Variants in SSH2 observed in about 807,000 individuals in gnomAD.
The protein encoded by SSH2 is protein phosphatase Slingshot homolog 2.
A neutral mutation model predicts 135.2 loss-of-function variants in SSH2; 37 were observed. The ratio of observed to expected loss-of-function variants is 0.27; its 90% CI spans 0.21 to 0.36. The LOEUF (loss-of-function observed/expected upper bound fraction) is 0.36, where lower values mean the gene tolerates loss of function less well. Ranked by LOEUF, SSH2 falls within the 10% of genes least tolerant of loss-of-function variation. The pLI is 1.00. For missense variants in SSH2, 1,408 were observed against 1,765.3 expected (o/e 0.80, Z 3.63); for synonymous variants, 628 against 646.2 (o/e 0.97, Z 0.43).
intron 11 of SSH2, among the ~76,000 whole-genome samples, chr17:29,658,495 G>C (rs2036884444): frequency 6.6e-6 from 1 of 152,118 alleles, no homozygotes; most frequent in Non-Finnish European, 1.5e-5. Flanking sequence ...CAATTTTAGA[G>C]TGCTTTTTCT....
chr17:29,892,938 C>A (rs1459300882), intron 1 of SSH2, among the ~76,000 whole-genome samples: 1 of 151,974 alleles, frequency 6.6e-6, no homozygotes, highest in Non-Finnish European at 1.5e-5. Context: ...TTCTCTCACC[C>A]TAAATTTCCC....
intron 11 of SSH2, among the ~76,000 whole-genome samples, chr17:29,656,697 T>A (rs1015353963): frequency 2.0e-5 from 3 of 152,158 alleles, no homozygotes; most frequent in Non-Finnish European, 2.9e-5. Flanking sequence ...TTTGCTTTCT[T>A]TCCTTCTTTC....
chr17:29,790,366 A>G (rs1449637935), intron 3 of SSH2, among the ~76,000 whole-genome samples: 1 of 152,172 alleles, frequency 6.6e-6, no homozygotes, highest in Non-Finnish European at 1.5e-5. Context: ...GCTGTCTGCA[A>G]GCCCGGAAGA....
chr17:29,877,768 CAA>C lies in SSH2; in HGVS notation c.64-28841_64-28840del, dbSNP rs200656149. Among the ~76,000 whole-genome samples the C allele has an allele frequency of 1.7e-3, 239 of 143,332 alleles. 3 individuals carry two copies. The highest frequency in any genetic ancestry group is 0.011 in the Middle Eastern group (3 of 276). 94.0% of individuals were successfully genotyped at this position (143,332 alleles called of 152,430 possible). A position where few individuals can be genotyped will look rare whatever the true frequency, so the allele number is the denominator to read the frequency against. ...GGAGGTAGGGATGGTTAATGGGTAC[CAA>C]AAAAAAAAAAAATAGAATGAATAAG... On this transcript the variant is annotated intron_variant, in intron 1 of 15. Coordinates refer to ENST00000540801, the MANE Select transcript of SSH2 (RefSeq NM_001282129.2).
intron 2 of SSH2, among the ~76,000 whole-genome samples, chr17:29,846,762 T>C (rs895185158): frequency 2.0e-5 from 3 of 152,246 alleles, no homozygotes; most frequent in Admixed American, 2.0e-4. Context: ...TATGGTGATA[T>C]ACTTGAGACA....
At chr17:29,724,542 A>AAAAC (rs1555620985) in intron 3 of SSH2, among the ~76,000 whole-genome samples, 3 of 149,464 alleles carry the variant, frequency 2.0e-5, no homozygotes, top group African/African-American at 7.4e-5. Context: ...AAAAAAAAAA[A>AAAAC]AAAACAAAAC....
At chr17:29,915,599 A>G (rs549102776) in intron 1 of SSH2, among the ~76,000 whole-genome samples, 3 of 152,324 alleles carry the variant, frequency 2.0e-5, no homozygotes, top group Admixed American at 2.0e-4. Flanking sequence ...AAAACAGTCA[A>G]TGGATTAATA....
chr17:29,841,094 G>A (rs1197622736), intron 2 of SSH2, among the ~76,000 whole-genome samples: 17 of 152,088 alleles, frequency 1.1e-4, no homozygotes, highest in Admixed American at 1.1e-3. Flanking sequence ...TGGCTGGGAG[G>A]GTGAGTCAGT....
chr17:29,657,598 T>TTTTTA (rs1209333582), intron 11 of SSH2, among the ~76,000 whole-genome samples: 2 of 147,242 alleles, frequency 1.4e-5, no homozygotes, highest in Non-Finnish European at 3.0e-5. Flanking sequence ...TTTTTTTTTT[T>TTTTTA]AGAGACAGAG....
At chr17:29,734,939 T>G (rs2040316300) in intron 3 of SSH2, among the ~76,000 whole-genome samples, 1 of 151,996 alleles carries the variant, frequency 6.6e-6, no homozygotes. Context: ...TAAATCTCAG[T>G]GGTTAAGTTC....
At chr17:29,643,222 A>G (rs1295744880) in intron 14 of SSH2, 1 of 985,088 alleles carries the variant, frequency 1.0e-6, no homozygotes, top group Admixed American at 6.2e-5. Context: ...TGCTGGGCCT[A>G]TTCACTTGGC....
chr17:29,847,874 C>T (rs2151385763), intron 2 of SSH2, among the ~76,000 whole-genome samples: 1 of 152,322 alleles, frequency 6.6e-6, no homozygotes, highest in Admixed American at 6.5e-5. Context: ...AAATAACCCA[C>T]CCCTCAATTT....
chr17:29,904,235 C>T (rs1363049643), intron 1 of SSH2, among the ~76,000 whole-genome samples: 8 of 152,088 alleles, frequency 5.3e-5, no homozygotes, highest in Admixed American at 3.9e-4. Context: ...TGGTGAACAT[C>T]GATGGAGAAA....
intron 2 of SSH2, among the ~76,000 whole-genome samples, chr17:29,798,399 T>G (rs1296558933): frequency 6.6e-6 from 1 of 152,072 alleles, no homozygotes; most frequent in Non-Finnish European, 1.5e-5. Context: ...CCTCGTGATC[T>G]GCCCACCTCA....
Position 29,821,406 on chromosome 17 carries a change from C to G in SSH2, c.144+27443G>C, listed in dbSNP as rs181907622. On this transcript the variant is annotated intron_variant, in intron 2 of 15. Transcript: ENST00000540801. ...AGCTGGGACTCCAGGCATATGCCAT[C>G]ACACCCAGCTCCATATTTACTAAGA... Among the ~76,000 whole-genome samples, 369 of 152,076 alleles carry G rather than the reference C, an allele frequency of 2.4e-3. 2 individuals carry two copies. The highest frequency in any genetic ancestry group is 6.8e-3 in the Middle Eastern group (2 of 294).
chr17:29,831,027 G>T (rs761704457), intron 2 of SSH2, among the ~76,000 whole-genome samples: 72 of 152,200 alleles, frequency 4.7e-4, no homozygotes, highest in Non-Finnish European at 8.8e-4. Context: ...TGATTAACGT[G>T]CCAGTGGATT....
At chr17:29,856,351 C>G (rs1332158799) in intron 1 of SSH2, 1 of 215,998 alleles carries the variant, frequency 4.6e-6, no homozygotes, top group African/African-American at 2.4e-5. Context: ...AGTTGTCCAG[C>G]TACAGCAACA....
intron 1 of SSH2, among the ~76,000 whole-genome samples, chr17:29,862,583 T>C (rs2065783169): frequency 6.6e-6 from 1 of 152,198 alleles, no homozygotes; most frequent in African/African-American, 2.4e-5. Context: ...CTGCCTCCCT[T>C]GGGCTCCAGA....
At chr17:29,848,008 C>T (rs2043163189) in intron 2 of SSH2, among the ~76,000 whole-genome samples, 1 of 152,186 alleles carries the variant, frequency 6.6e-6, no homozygotes, top group Non-Finnish European at 1.5e-5. Context: ...TGCTGTTCCA[C>T]AAGGAGCAGT....
Sources: gnomAD v4.1 joint callset for allele counts (sites outside exome capture counted in the v4.1 genomes callset) on GRCh38, gnomAD v4.1.1 for gene constraint, MANE v1.5 for transcripts, NCBI Gene and HGNC (gene_info 2026-07-23, HGNC 2026-07-21) for gene names.